The following MYO5A variants were observed in gnomAD, a reference collection of about 807,000 sequenced individuals.
MYO5A encodes the protein unconventional myosin-Va.
In MYO5A, 98 loss-of-function variants were observed where a neutral mutation model predicts 249.7. The ratio of observed to expected loss-of-function variants is 0.39; its 90% CI spans 0.33 to 0.46. MYO5A has a LOEUF of 0.46. Ranked by LOEUF, MYO5A falls within the 20% of genes least tolerant of loss-of-function variation. The pLI is 0.98. For synonymous variants in MYO5A, 778 were observed against 810.6 expected (o/e 0.96, Z 0.68); for missense variants, 1,696 against 2,308.8 (o/e 0.73, Z 5.44).
chr15:52,459,376 C>G (rs1264742672), intron 1 of MYO5A, among the ~76,000 whole-genome samples: 3 of 151,840 alleles, frequency 2.0e-5, no homozygotes, highest in African/African-American at 4.8e-5. Context: ...TGACTCTTAA[C>G]GACTATGCTG....
At chr15:52,409,171 C>A (rs2043138121) in intron 6 of MYO5A, among the ~76,000 whole-genome samples, 1 of 152,002 alleles carries the variant, frequency 6.6e-6, no homozygotes, top group Non-Finnish European at 1.5e-5. Flanking sequence ...TTGGGCTTTA[C>A]CATTTTGTAT....
In MYO5A at chr15:52,354,130, A is replaced by G. The variant is rs28488423; in HGVS notation, c.3424-116T>C. 9.5e-3 allele frequency: 11,412 copies of G among 1,205,306 alleles called. 279 individuals are homozygous for G. Among genetic ancestry groups the G allele is most frequent in the South Asian group, 0.06 (4,346 of 72,862 alleles). The allele number at this position is 1,205,306 out of a possible 1,614,324, so 74.7% of individuals were successfully genotyped here. ...GCAAACTTACAGAATAAGAAATACA[A>G]ACATCTAGAGAATATATTTTTAAAA... On this transcript the variant is annotated intron_variant, in intron 25 of 41. Transcript: ENST00000399233.
intron 4 of MYO5A, among the ~76,000 whole-genome samples, chr15:52,419,244 T>C (rs2043672255): frequency 2.0e-5 from 3 of 152,202 alleles, no homozygotes; most frequent in African/African-American, 7.2e-5. Flanking sequence ...AATCTAGAGC[T>C]TTACTTTTTT....
At chr15:52,407,483 T>A (rs2043058062) in intron 7 of MYO5A, 84 bp from the exon 8 acceptor site, 1 of 900,154 alleles carries the variant, frequency 1.1e-6, no homozygotes. Context: ...TCAGAGGTGG[T>A]GATAGCACAG....
chr15:52,452,068 A>T (rs2076031285), intron 1 of MYO5A, among the ~76,000 whole-genome samples: 1 of 152,186 alleles, frequency 6.6e-6, no homozygotes, highest in South Asian at 2.1e-4. Flanking sequence ...GAATTGAGTA[A>T]ATATAGGCAG....
At chr15:52,457,196 C>G (rs1174329070) in intron 1 of MYO5A, among the ~76,000 whole-genome samples, 1 of 152,104 alleles carries the variant, frequency 6.6e-6, no homozygotes, top group Non-Finnish European at 1.5e-5. Context: ...AATCCTAACT[C>G]TTTGGGAGGC....
intron 1 of MYO5A, among the ~76,000 whole-genome samples, chr15:52,449,638 C>T (rs1295272936): frequency 6.6e-6 from 1 of 152,178 alleles, no homozygotes; most frequent in East Asian, 1.9e-4. Flanking sequence ...CTTCTCTATC[C>T]TATCTGTAAC....
At chr15:52,333,552 A>G (rs1317294779) in intron 34 of MYO5A, among the ~76,000 whole-genome samples, 1 of 152,134 alleles carries the variant, frequency 6.6e-6, no homozygotes, top group Non-Finnish European at 1.5e-5. Flanking sequence ...TAACTAATTG[A>G]TTTCTAGAAT....
At chr15:52,359,837 T>G in intron 25 of MYO5A, 131 bp downstream of exon 25, 1 of 715,948 alleles carries the variant, frequency 1.4e-6, no homozygotes, top group East Asian at 2.8e-5. Context: ...TACAAGTCAC[T>G]TATGAAGAAT....
chr15:52,391,915 G>A lies in MYO5A; in HGVS notation c.1542+15C>T. 6.2e-7 allele frequency: 1 copy of A among 1,610,570 alleles called. No individual in the cohort carries two copies. Among genetic ancestry groups the A allele is most frequent in the Admixed American group, 1.7e-5 (1 of 59,732 alleles). On this transcript the variant is annotated intron_variant, in intron 12 of 41. Coordinates refer to ENST00000399233, the MANE Select transcript of MYO5A (RefSeq NM_001382347.1). Reference sequence around the variant, plus strand: ...CTATTTTGATAAACCAAGTACCCCAGGAAATCATACTTACCTTGCATTCCT... The same window carrying A: ...CTATTTTGATAAACCAAGTACCCCAAGAAATCATACTTACCTTGCATTCCT...
chr15:52,506,611 C>G (rs2693465), intron 1 of MYO5A, among the ~76,000 whole-genome samples: 2 of 151,604 alleles, frequency 1.3e-5, no homozygotes, highest in Non-Finnish European at 1.5e-5. Context: ...ACAAGGAGGG[C>G]GGATCTCTTG....
chr15:52,364,440 C>T, intron 24 of MYO5A, 114 bp downstream of exon 24: 1 of 976,732 alleles, frequency 1.0e-6, no homozygotes, highest in Non-Finnish European at 1.5e-6. Context: ...GTTGAACATT[C>T]TGGAACTGGG....
intron 7 of MYO5A, 125 bp from the exon 8 acceptor site, chr15:52,407,524 C>T: frequency 2.0e-6 from 1 of 503,826 alleles, no homozygotes; most frequent in Non-Finnish European, 3.5e-6. Context: ...GTTTGACTGC[C>T]TGTGTTTTCA....
chr15:52,326,974 G>A (rs2038640404), intron 36 of MYO5A, among the ~76,000 whole-genome samples: 1 of 152,122 alleles, frequency 6.6e-6, no homozygotes, highest in South Asian at 2.1e-4. Flanking sequence ...AGTTGTGTAG[G>A]CTTTCTGCTC....
rs1487216919 is a variant in MYO5A at position 52,379,849 on chromosome 15, C to T, written c.2072G>A (p.Arg691Gln). ...TGAGGGGAAACCGGCCGCACTGATT[C>T]GGATGGTTTCCAGGACACCACATGC... is the stretch of plus-strand genomic sequence containing the variant. ...LRACGVLETI[R>Q]ISAAGFPSRW... The change falls in exon 17 of 42, where the codon CGA becomes CAA. Residue 691 changes from arginine to glutamine, a missense_variant. Physicochemically the swap from Arg to Gln is conservative, Grantham distance 43. This residue lies in a region of MYO5A where 277 missense variants were observed against 422.4 expected (regional missense o/e 0.66). Transcript: ENST00000399233. 6.8e-6 allele frequency: 11 copies of T among 1,614,140 alleles called. No individual in the cohort carries two copies. The highest frequency in any genetic ancestry group is 8.5e-6 in the Non-Finnish European group (10 of 1,180,004).
At chr15:52,366,985 C>A (rs2040843984) in intron 23 of MYO5A, 46 bp downstream of exon 23, 1 of 1,416,988 alleles carries the variant, frequency 7.1e-7, no homozygotes, top group African/African-American at 1.4e-5. Flanking sequence ...ACTTACATAA[C>A]TTTGGTGTGA....
intron 16 of MYO5A, 140 bp from the exon 17 acceptor site, chr15:52,380,048 G>C (rs2041651775): frequency 8.3e-6 from 7 of 843,806 alleles, no homozygotes; most frequent in Non-Finnish European, 1.4e-5. Flanking sequence ...AGTCGGAGCA[G>C]TGATCAAAAT....
chr15:52,420,707 A>G lies in MYO5A; in HGVS notation c.456-4406T>C, dbSNP rs1012794275. Among the ~76,000 whole-genome samples the G allele has an allele frequency of 2.6e-5, 4 of 152,226 alleles. No homozygotes were observed. The East Asian group carries it at 5.8e-4, about 22-fold the overall frequency. On this transcript the variant is annotated intron_variant, in intron 4 of 41. Transcript: ENST00000399233. ...CATCTGAAAGTAAAATCTGAGTGGG[A>G]TAATGAAGTATAAATATAAATCAGA...
chr15:52,324,980 T>G (rs1161302080), intron 36 of MYO5A, among the ~76,000 whole-genome samples: 1 of 152,184 alleles, frequency 6.6e-6, no homozygotes, highest in Non-Finnish European at 1.5e-5. Context: ...ATAAAATAAA[T>G]TAAATAAATT....
Sources: gnomAD v4.1 joint callset for allele counts (sites outside exome capture counted in the v4.1 genomes callset) on GRCh38, gnomAD v4.1.1 for gene constraint, gnomAD v4.1.1 regional missense constraint, MANE v1.5 for transcripts, NCBI Gene and HGNC (gene_info 2026-07-23, HGNC 2026-07-21) for gene names.